Variants in SPATA22 observed in about 807,000 individuals in gnomAD.
SPATA22 encodes spermatogenesis associated 22.
In SPATA22, 29 loss-of-function variants were observed where a neutral mutation model predicts 47.8. The observed-to-expected ratio is 0.61, with a 90% CI of 0.45 to 0.83. The LOEUF is 0.83. Among genes scored for constraint, SPATA22 ranks in the 40% least tolerant of loss-of-function variants. SPATA22 has a pLI of 0.00. For synonymous variants in SPATA22, 133 were observed against 140.9 expected (o/e 0.94, Z 0.40); for missense variants, 410 against 421.7 (o/e 0.97, Z 0.24).
chr17:3,498,813 A>T, intron 1 of SPATA22: 1 of 1,272,148 alleles, frequency 7.9e-7, no homozygotes, highest in Non-Finnish European at 1.1e-6. Context: ...GTAATTTGTT[A>T]GTTGTCTAGA....
intron 1 of SPATA22, among the ~76,000 whole-genome samples, chr17:3,484,838 G>A (rs929882296): frequency 6.6e-6 from 1 of 151,946 alleles, no homozygotes; most frequent in African/African-American, 2.4e-5. Context: ...CATATACAAG[G>A]GCCCCAAACC....
chr17:3,504,240 C>T (rs553868055), intron 1 of SPATA22, among the ~76,000 whole-genome samples: 13 of 152,198 alleles, frequency 8.5e-5, no homozygotes, highest in Non-Finnish European at 1.6e-4. Flanking sequence ...CTCCTTCTAT[C>T]CCATCTTGAG....
intron 3 of SPATA22, 37 bp from the exon 4 acceptor site, chr17:3,462,804 AG>A: frequency 6.8e-7 from 1 of 1,468,786 alleles, no homozygotes; most frequent in Non-Finnish European, 9.5e-7. Flanking sequence ...AAAGTAAGAT[AG>A]GTAGTATTTT....
chr17:3,452,589 CAAAAAGAAAA>C (rs1030282060), intron 5 of SPATA22, among the ~76,000 whole-genome samples: 2 of 143,898 alleles, frequency 1.4e-5, no homozygotes, highest in African/African-American at 2.6e-5. Context: ...GACTCCGTCT[CAAAAAGAAAA>C]AAAAAGAAAA....
At chr17:3,461,194 A>G (rs1164017836) in intron 5 of SPATA22, among the ~76,000 whole-genome samples, 2 of 152,212 alleles carry the variant, frequency 1.3e-5, no homozygotes, top group African/African-American at 4.8e-5. Context: ...ATACTAAAAA[A>G]TTCCTGATTA....
chr17:3,463,653 A>G lies in SPATA22; in HGVS notation c.173-886T>C, dbSNP rs537506233. On this transcript the variant is annotated intron_variant, in intron 3 of 8. Coordinates refer to ENST00000572969, the MANE Select transcript of SPATA22 (RefSeq NM_001170698.2). ...ACTAAACACACCATACATTTAGGCTACATTTATAAAAAAAAATAAACTGTG... is the reference window on the plus strand; with the variant it reads ...ACTAAACACACCATACATTTAGGCTGCATTTATAAAAAAAAATAAACTGTG... Among the ~76,000 whole-genome samples, 362 of 131,772 alleles carry G rather than the reference A, an allele frequency of 2.7e-3. 2 individuals carry two copies. The highest frequency in any genetic ancestry group is 3.8e-3 in the Non-Finnish European group (200 of 53,312). The allele number at this position is 131,772 out of a possible 152,430, so 86.4% of individuals were successfully genotyped here. A position where few individuals can be genotyped will look rare whatever the true frequency, so the allele number is the denominator to read the frequency against.
chr17:3,491,880 T>TC (rs1426774214), intron 1 of SPATA22, among the ~76,000 whole-genome samples: 33 of 145,202 alleles, frequency 2.3e-4, no homozygotes, highest in Non-Finnish European at 3.6e-4. Context: ...TTGTTTTCTT[T>TC]TTTTTTTTTT....
chr17:3,465,454 G>T (rs907750313), intron 3 of SPATA22, among the ~76,000 whole-genome samples: 3 of 151,980 alleles, frequency 2.0e-5, no homozygotes, highest in Non-Finnish European at 2.9e-5. Flanking sequence ...TTCTGCCTTG[G>T]GATCCTGTTG....
At chr17:3,457,713 C>T (rs2073029517) in intron 5 of SPATA22, among the ~76,000 whole-genome samples, 3 of 152,012 alleles carry the variant, frequency 2.0e-5, no homozygotes. Flanking sequence ...GAGAAGAACA[C>T]ACAATGAGAA....
chr17:3,470,770 A>ATG (rs2073414193), intron 1 of SPATA22, among the ~76,000 whole-genome samples: 1 of 151,282 alleles, frequency 6.6e-6, no homozygotes, highest in Non-Finnish European at 1.5e-5. Context: ...AGAAAAAAAA[A>ATG]CAACTTGGGA....
At chr17:3,457,265 G>A (rs897263985) in intron 5 of SPATA22, among the ~76,000 whole-genome samples, 14 of 149,556 alleles carry the variant, frequency 9.4e-5, no homozygotes, top group Non-Finnish European at 3.0e-5. Flanking sequence ...AATTGTCCCT[G>A]TTTGCAGACG....
chr17:3,507,587 A>G lies in SPATA22; in HGVS notation c.-74+5825T>C, dbSNP rs576478732. Among the ~76,000 whole-genome samples, 146 of 152,324 alleles carry G rather than the reference A, an allele frequency of 9.6e-4. 1 individual carries two copies. Among genetic ancestry groups the G allele is most frequent in the African/African-American group, 3.4e-3 (143 of 41,578 alleles). On this transcript the variant is annotated intron_variant, in intron 1 of 8. Transcript: ENST00000541913. ...GAAAAATGGTAGTTCTTGATACTAGACTAACTAAACTTCAGAGAACCTGGA... is the reference window on the plus strand; with the variant it reads ...GAAAAATGGTAGTTCTTGATACTAGGCTAACTAAACTTCAGAGAACCTGGA...
chr17:3,440,347 C>CA lies in SPATA22; in HGVS notation c.901-10dup. The CA allele has an allele frequency of 2.7e-6, 4 of 1,484,976 alleles. No homozygotes were observed. Among genetic ancestry groups the CA allele is most frequent in the East Asian group, 4.9e-5 (2 of 40,534 alleles). 92.0% of individuals were successfully genotyped at this position (1,484,976 alleles called of 1,614,324 possible). Reference sequence around the variant, plus strand: ...CTCGGAAGTTCACGATCCTGTTTTTCAAAAAATAAGTATCAAAAAATAGTT... The same window carrying CA: ...CTCGGAAGTTCACGATCCTGTTTTTCAAAAAAATAAGTATCAAAAAATAGTT... On this transcript the variant is annotated splice_polypyrimidine_tract_variant and intron_variant, in intron 8 of 8. Transcript: ENST00000572969.
At chr17:3,446,307 T>C (rs919895746) in intron 7 of SPATA22, among the ~76,000 whole-genome samples, 165 bp downstream of exon 7, 16 of 148,810 alleles carry the variant, frequency 1.1e-4, no homozygotes, top group Non-Finnish European at 4.5e-5. Flanking sequence ...TTAGGGAGCA[T>C]TATTCTATCT....
chr17:3,449,348 T>A (rs914421519), intron 5 of SPATA22, among the ~76,000 whole-genome samples, 199 bp from the exon 6 acceptor site: 1 of 152,156 alleles, frequency 6.6e-6, no homozygotes, highest in Admixed American at 6.5e-5. Flanking sequence ...GACTGATCCC[T>A]AATGAGGAAT....
intron 1 of SPATA22, among the ~76,000 whole-genome samples, chr17:3,508,000 C>T (rs1260714954): frequency 1.3e-5 from 2 of 152,180 alleles, no homozygotes; most frequent in Non-Finnish European, 2.9e-5. Context: ...GAATCACGTA[C>T]AATCCCTGTC....
chr17:3,497,751 G>T (rs1374794100), intron 1 of SPATA22, among the ~76,000 whole-genome samples: 5 of 152,296 alleles, frequency 3.3e-5, no homozygotes, highest in African/African-American at 1.2e-4. Flanking sequence ...GATTTGGTAG[G>T]TCTGCTGCGC....
intron 3 of SPATA22, among the ~76,000 whole-genome samples, chr17:3,463,333 C>A: frequency 6.6e-6 from 1 of 152,162 alleles, no homozygotes; most frequent in East Asian, 1.9e-4. Context: ...GTACAGCTTG[C>A]TACACACCTA....
chr17:3,445,699 C>T (rs2072711457), intron 7 of SPATA22, among the ~76,000 whole-genome samples: 1 of 152,026 alleles, frequency 6.6e-6, no homozygotes, highest in African/African-American at 2.4e-5. Flanking sequence ...AAGCTTTTTC[C>T]TTAATGGTAA....
Sources: allele counts gnomAD v4.1 joint callset (sites outside exome capture counted in the v4.1 genomes callset), GRCh38; gene constraint gnomAD v4.1.1; transcripts MANE v1.5; gene names NCBI Gene and HGNC (gene_info 2026-07-23, HGNC 2026-07-21).